DYSF: variants seen among roughly 807,000 people sequenced by gnomAD.
The protein encoded by DYSF is dysferlin.
Under a neutral mutation model 274.9 loss-of-function variants are expected in DYSF, and 212 were observed. That is an observed-to-expected ratio of 0.77 (90% CI 0.69 to 0.86). The LOEUF is 0.86. Ranked by LOEUF, DYSF falls within the 40% of genes least tolerant of loss-of-function variation. The pLI is 0.00. For synonymous variants in DYSF, 1,091 were observed against 1,078.7 expected (o/e 1.01, Z -0.22); for missense variants, 2,666 against 2,783.2 (o/e 0.96, Z 0.95).
chr2:71,535,906 C>T (rs1304568653), intron 16 of DYSF, among the ~76,000 whole-genome samples: 3 of 152,182 alleles, frequency 2.0e-5, no homozygotes, highest in African/African-American at 7.2e-5. Context: ...GCACTTGACA[C>T]GAGTCATCTC....
At chr2:71,602,827 G>C in intron 36 of DYSF, 22 bp downstream of exon 36, 1 of 1,612,406 alleles carries the variant, frequency 6.2e-7, no homozygotes, top group Non-Finnish European at 8.5e-7. Flanking sequence ...GTGGTGGTTG[G>C]GATGGGTGGG....
intron 23 of DYSF, among the ~76,000 whole-genome samples, chr2:71,562,159 G>C (rs2152804267): frequency 6.6e-6 from 1 of 152,330 alleles, no homozygotes; most frequent in Non-Finnish European, 1.5e-5. Flanking sequence ...ATGGGGCCCA[G>C]CACAGAGCCT....
intron 51 of DYSF, among the ~76,000 whole-genome samples, chr2:71,672,219 A>G (rs373106507): frequency 1.2e-3 from 177 of 149,808 alleles, no homozygotes; most frequent in African/African-American, 2.0e-3. Context: ...GGCCGAAGGC[A>G]GAGCCAGAGG....
Position 71,664,308 on chromosome 2 carries a change from C to T in DYSF, c.5044C>T (p.Leu1682=), listed in dbSNP as rs747062865. ...CTGCACTCTGCCTCTGGAGAAGGAC[C>T]TAAAGATCACTCTCTATGACTATGA... ...LTCTLPLEKD[L]KITLYDYDLL... The change falls in exon 46 of 56, where the codon CTA becomes TTA. Residue 1682 remains leucine (L), a synonymous_variant. Coordinates refer to ENST00000410020, the MANE Select transcript of DYSF (RefSeq NM_001130987.2). 8 of 1,614,180 alleles carry T rather than the reference C, an allele frequency of 5.0e-6. No homozygotes were observed. The highest frequency in any genetic ancestry group is 2.2e-5 in the South Asian group (2 of 91,080).
At chr2:71,563,111 C>T (rs935099863) in intron 23 of DYSF, among the ~76,000 whole-genome samples, 1 of 152,196 alleles carries the variant, frequency 6.6e-6, no homozygotes, top group Non-Finnish European at 1.5e-5. Context: ...TGAAAATATG[C>T]ATTTCTAACA....
intron 30 of DYSF, chr2:71,576,844 G>A (rs751525952): frequency 6.6e-5 from 10 of 152,084 alleles, no homozygotes; most frequent in African/African-American, 2.4e-4. Flanking sequence ...GGGAGAATGA[G>A]GGGGGGCACT....
At chr2:71,536,759 G>A (rs1340142257) in intron 16 of DYSF, among the ~76,000 whole-genome samples, 1 of 152,174 alleles carries the variant, frequency 6.6e-6, no homozygotes, top group Non-Finnish European at 1.5e-5. Context: ...TTTTCCAAAA[G>A]CAACCCCAAG....
At chr2:71,571,488 C>T (rs111207175) in intron 29 of DYSF, among the ~76,000 whole-genome samples, 5,315 of 132,172 alleles carry the variant, frequency 0.04, 682 homozygotes, top group African/African-American at 0.16. Flanking sequence ...ACATCACACC[C>T]AGCACGCACA....
intron 45 of DYSF, among the ~76,000 whole-genome samples, chr2:71,662,684 T>G (rs2094908966): frequency 6.6e-6 from 1 of 151,604 alleles, no homozygotes; most frequent in South Asian, 2.1e-4. Context: ...TGTATGTGTG[T>G]GGTGTGTGTA....
rs143836759 is a variant in DYSF at position 71,529,057 on chromosome 2, C to G, written c.1380+656C>G. On this transcript the variant is annotated intron_variant, in intron 14 of 55. Transcript: ENST00000410020. ...CCGAACCCTCCCTTCAACCCCAGGC[C>G]TCTCTGTGCCTCTAAACAGTTCCGC... is the stretch of plus-strand genomic sequence containing the variant. 9.1e-4 allele frequency among the ~76,000 whole-genome samples: 139 copies of G among 152,330 alleles called. 1 individual carries two copies. Among genetic ancestry groups the G allele is most frequent in the African/African-American group, 3.1e-3 (127 of 41,570 alleles).
rs374705038 is a variant in DYSF, at chr2:71,613,365, C to T, written c.4419C>T (p.Asp1473=). The change falls in exon 40 of 56, where the codon GAC becomes GAT. Residue 1473 remains aspartate (D), a synonymous_variant. Transcript: ENST00000410020. ...TGAGCCTACTCAGTCCTGGGGAAGA[C>T]GTGCTCATCGACATTGATGACAAGG... ...DDVSLLSPGE[D]VLIDIDDKEP... is the part of the protein sequence containing the mutation. 4.3e-5 allele frequency: 70 copies of T among 1,613,438 alleles called. No individual in the cohort carries two copies. In the Middle Eastern group the frequency reaches 8.2e-4, roughly 19 times the overall value.
chr2:71,552,445 G>T (rs899468790), intron 19 of DYSF, among the ~76,000 whole-genome samples: 1 of 152,212 alleles, frequency 6.6e-6, no homozygotes, highest in Non-Finnish European at 1.5e-5. Context: ...ACACCCAATT[G>T]TCTGACCCCT....
chr2:71,671,043 C>G (rs1159797219), intron 51 of DYSF, among the ~76,000 whole-genome samples: 1 of 152,178 alleles, frequency 6.6e-6, no homozygotes, highest in African/African-American at 2.4e-5. Context: ...GTTCCAGTGC[C>G]TGCATTTTCT....
chr2:71,582,048 G>C (rs1272620760), intron 30 of DYSF, among the ~76,000 whole-genome samples: 1 of 144,068 alleles, frequency 6.9e-6, no homozygotes, highest in African/African-American at 2.5e-5. Context: ...CAGAGGTTGC[G>C]GTGAACTGTG....
chr2:71,567,742 C>G (rs1246547010), intron 24 of DYSF, among the ~76,000 whole-genome samples: 1 of 151,526 alleles, frequency 6.6e-6, no homozygotes, highest in African/African-American at 2.4e-5. Flanking sequence ...GGGGAGGAAT[C>G]TTGGTGAGGG....
chr2:71,492,115 ATTC>A (rs2083907003), intron 3 of DYSF, among the ~76,000 whole-genome samples: 1 of 152,122 alleles, frequency 6.6e-6, no homozygotes, highest in South Asian at 2.1e-4. Flanking sequence ...TTTGCCCTGG[ATTC>A]TATCCAGGAC....
intron 41 of DYSF, among the ~76,000 whole-genome samples, chr2:71,625,743 A>G (rs1442656864): frequency 6.6e-6 from 1 of 152,146 alleles, no homozygotes; most frequent in Non-Finnish European, 1.5e-5. Context: ...GTTTGGGGAA[A>G]GCAGACATTT....
At chr2:71,631,583 C>A (rs1031777662) in intron 41 of DYSF, among the ~76,000 whole-genome samples, 1 of 152,090 alleles carries the variant, frequency 6.6e-6, no homozygotes, top group African/African-American at 2.4e-5. Context: ...AAATACAAAT[C>A]GCCCATCAAA....
intron 43 of DYSF, among the ~76,000 whole-genome samples, chr2:71,657,691 G>A (rs1026710465): frequency 1.3e-5 from 2 of 152,186 alleles, no homozygotes; most frequent in Non-Finnish European, 2.9e-5. Flanking sequence ...AAGGCTTGGG[G>A]ATTCCACCCT....
Sources: allele counts gnomAD v4.1 joint callset (sites outside exome capture counted in the v4.1 genomes callset), GRCh38; gene constraint gnomAD v4.1.1; transcripts MANE v1.5; gene names NCBI Gene and HGNC (gene_info 2026-07-23, HGNC 2026-07-21).